Variants in KHDRBS2 observed in about 807,000 individuals in gnomAD.
KHDRBS2 encodes KH domain-containing, RNA-binding, signal transduction-associated protein 2.
In KHDRBS2, 26 loss-of-function variants were observed where a neutral mutation model predicts 44.3. The ratio of observed to expected loss-of-function variants is 0.59; its 90% CI spans 0.43 to 0.81. KHDRBS2 has a LOEUF of 0.81. Among genes scored for constraint, KHDRBS2 ranks in the 40% least tolerant of loss-of-function variants. KHDRBS2 has a pLI of 0.00. For synonymous variants in KHDRBS2, 194 were observed against 151.1 expected, an observed-to-expected ratio of 1.28 and a Z score of -2.08; for missense variants, 476 against 433.1, an observed-to-expected ratio of 1.10 and a Z score of -0.88.
chr6:62,015,785 A>G (rs1395496185), intron 3 of KHDRBS2, among the ~76,000 whole-genome samples: 1 of 152,218 alleles, frequency 6.6e-6, no homozygotes, highest in African/African-American at 2.4e-5. Flanking sequence ...ATTATTATCC[A>G]CAGATCAGAA....
intron 6 of KHDRBS2, among the ~76,000 whole-genome samples, chr6:61,768,392 T>C (rs1438484595): frequency 6.6e-6 from 1 of 152,162 alleles, no homozygotes; most frequent in Non-Finnish European, 1.5e-5. Flanking sequence ...AATATTGATA[T>C]ATTTCTCCAT....
intron 6 of KHDRBS2, among the ~76,000 whole-genome samples, chr6:61,826,960 A>G (rs1455583880): frequency 6.6e-6 from 1 of 152,208 alleles, no homozygotes; most frequent in South Asian, 2.1e-4. Flanking sequence ...CAATTATTCG[A>G]TATCTATCAG....
intron 3 of KHDRBS2, among the ~76,000 whole-genome samples, chr6:61,998,166 T>TA (rs1777573408): frequency 6.6e-6 from 1 of 152,168 alleles, no homozygotes. Flanking sequence ...GAGGGAGACT[T>TA]ACTGAAAACT....
chr6:62,272,393 T>C lies in KHDRBS2; in HGVS notation c.91+13465A>G, dbSNP rs550749768. On this transcript the variant is annotated intron_variant, in intron 1 of 8. Coordinates refer to ENST00000281156, the MANE Select transcript of KHDRBS2 (RefSeq NM_152688.4). ...TTCTTAGGTCCAACACAGTCATGAT[T>C]TCCTCCAATACTGAAACAGACCTAT... Among the ~76,000 whole-genome samples the C allele has an allele frequency of 1.2e-4, 18 of 152,324 alleles. No individual in the cohort carries two copies. In the South Asian group the frequency reaches 1.7e-3, roughly 14 times the overall value.
chr6:61,903,061 A>T (rs1388605997), intron 4 of KHDRBS2, among the ~76,000 whole-genome samples: 3 of 152,224 alleles, frequency 2.0e-5, no homozygotes, highest in Non-Finnish European at 2.9e-5. Context: ...AGAAAATTAT[A>T]GTTTCTAACA....
chr6:61,955,459 CATATGTGTAT>C (rs1766731644), intron 4 of KHDRBS2, among the ~76,000 whole-genome samples: 5 of 112,200 alleles, frequency 4.5e-5, no homozygotes, highest in African/African-American at 1.5e-4. Context: ...TGTATATATA[CATATGTGTAT>C]ATATACACAT....
At chr6:61,654,991 T>C in the KHDRBS2 span, among the ~76,000 whole-genome samples, 83 of 151,770 alleles carry the variant, frequency 5.5e-4, no homozygotes, top group African/African-American at 1.7e-3. Flanking sequence ...AGAAGCCAGT[T>C]GCAAGCTAGC....
rs1032570642 is a variant in KHDRBS2, at chr6:61,969,657, AAAAAG to A, written c.483+8404_483+8408del. ...CTCAAATAAGAAGTAGATTAGGAAT[AAAAAG>A]AAAAGAACAGAAGAGGATTAAAATG... On this transcript the variant is annotated intron_variant, in intron 4 of 8. Transcript: ENST00000281156. Among the ~76,000 whole-genome samples the A allele has an allele frequency of 1.1e-3, 164 of 152,162 alleles. 1 individual carries two copies. The highest frequency in any genetic ancestry group is 3.7e-3 in the African/African-American group (154 of 41,562).
At chr6:61,765,137 A>G (rs1178465323) in intron 6 of KHDRBS2, among the ~76,000 whole-genome samples, 1 of 152,128 alleles carries the variant, frequency 6.6e-6, no homozygotes, top group African/African-American at 2.4e-5. Flanking sequence ...TTCAACTTAA[A>G]GGGAATTTAG....
chr6:62,137,086 C>T (rs201233294), intron 2 of KHDRBS2, among the ~76,000 whole-genome samples: 2 of 150,102 alleles, frequency 1.3e-5, no homozygotes, highest in Non-Finnish European at 3.0e-5. Context: ...CTGCAAGCTC[C>T]GCCTCCCGGG....
At chr6:62,284,151 A>G (rs537678017) in intron 1 of KHDRBS2, among the ~76,000 whole-genome samples, 1 of 152,288 alleles carries the variant, frequency 6.6e-6, no homozygotes, top group East Asian at 1.9e-4. Context: ...AGCCACAGAA[A>G]TACTTATGCA....
chr6:61,651,584 T>C, the KHDRBS2 span, among the ~76,000 whole-genome samples: 2 of 152,110 alleles, frequency 1.3e-5, no homozygotes, highest in African/African-American at 4.8e-5. Flanking sequence ...ATTATTATGA[T>C]GTTCATTTTA....
the KHDRBS2 span, among the ~76,000 whole-genome samples, chr6:61,635,922 A>C: frequency 4.6e-5 from 7 of 152,070 alleles, no homozygotes; most frequent in Non-Finnish European, 1.0e-4. Flanking sequence ...TCTCCCAAAC[A>C]GGTCTAGCAT....
the KHDRBS2 span, among the ~76,000 whole-genome samples, chr6:61,554,462 T>A: frequency 1.3e-4 from 19 of 150,274 alleles, no homozygotes; most frequent in Non-Finnish European, 2.2e-4. Flanking sequence ...TTTATCTAAC[T>A]TGTCAATCTA....
intron 2 of KHDRBS2, among the ~76,000 whole-genome samples, chr6:62,104,766 C>T (rs995041184): frequency 1.1e-4 from 17 of 151,766 alleles, no homozygotes; most frequent in African/African-American, 3.6e-4. Context: ...AATATTATCA[C>T]TTTAAAAATT....
At chr6:62,015,867 A>G (rs1781117250) in intron 3 of KHDRBS2, among the ~76,000 whole-genome samples, 1 of 152,180 alleles carries the variant, frequency 6.6e-6, no homozygotes. Context: ...CTTGAATCAC[A>G]AAGGTTAAAT....
intron 1 of KHDRBS2, among the ~76,000 whole-genome samples, chr6:62,274,705 C>T (rs1047177813): frequency 6.6e-5 from 10 of 152,104 alleles, no homozygotes; most frequent in African/African-American, 2.4e-4. Flanking sequence ...CTTTCATCTC[C>T]ATAGGCTTGT....
At chr6:62,202,879 C>G (rs1030981963) in intron 1 of KHDRBS2, among the ~76,000 whole-genome samples, 44 of 151,988 alleles carry the variant, frequency 2.9e-4, no homozygotes, top group Non-Finnish European at 7.4e-5. Context: ...AAATTTATTC[C>G]AGGAAGTAAA....
At chr6:62,193,748 G>C (rs1052111420) in intron 1 of KHDRBS2, among the ~76,000 whole-genome samples, 1 of 152,006 alleles carries the variant, frequency 6.6e-6, no homozygotes, top group Non-Finnish European at 1.5e-5. Context: ...ACTTGCTATT[G>C]TCTGTCTTTA....
Sources: gnomAD v4.1 joint callset for allele counts (sites outside exome capture counted in the v4.1 genomes callset) on GRCh38, gnomAD v4.1.1 for gene constraint, MANE v1.5 for transcripts, NCBI Gene and HGNC (gene_info 2026-07-23, HGNC 2026-07-21) for gene names.